Variants in ANKS1B observed in about 807,000 individuals in gnomAD.
The protein encoded by ANKS1B is ankyrin repeat and sterile alpha motif domain-containing protein 1B.
A neutral mutation model predicts 148.3 loss-of-function variants in ANKS1B; 36 were observed. That is an observed-to-expected ratio of 0.24 (90% CI 0.19 to 0.32). The LOEUF is 0.32. ANKS1B is among the 10% of genes least tolerant of loss of function. The pLI, the probability that ANKS1B is intolerant of heterozygous loss-of-function variation, is 1.00. For synonymous variants in ANKS1B, 542 were observed against 560.8 expected (o/e 0.97, Z 0.47); for missense variants, 1,157 against 1,542.6 (o/e 0.75, Z 4.19).
chr12:98,861,486 A>G (rs1329107322), intron 17 of ANKS1B, among the ~76,000 whole-genome samples: 1 of 152,212 alleles, frequency 6.6e-6, no homozygotes, highest in African/African-American at 2.4e-5. Flanking sequence ...GGGGAGAAAC[A>G]GAAGACTTCA....
intron 8 of ANKS1B, among the ~76,000 whole-genome samples, chr12:99,675,126 A>G (rs1407151046): frequency 6.6e-6 from 1 of 152,002 alleles, no homozygotes. Context: ...TTGCATTGGG[A>G]ATGTAAATTA....
intron 8 of ANKS1B, among the ~76,000 whole-genome samples, chr12:99,771,009 T>C (rs1487659277): frequency 6.6e-6 from 1 of 152,080 alleles, no homozygotes; most frequent in Non-Finnish European, 1.5e-5. Flanking sequence ...ATACAGTCTT[T>C]GGCTTACAAA....
intron 4 of ANKS1B, among the ~76,000 whole-genome samples, chr12:99,789,804 C>A (rs2153642367): frequency 6.6e-6 from 1 of 152,116 alleles, no homozygotes; most frequent in Admixed American, 6.5e-5. Context: ...CATCTGAAAA[C>A]ACACTGAGAA....
chr12:99,768,870 T>C (rs1032644003), intron 8 of ANKS1B, among the ~76,000 whole-genome samples: 6 of 151,354 alleles, frequency 4.0e-5, no homozygotes, highest in Admixed American at 2.6e-4. Flanking sequence ...AACCTGCTTT[T>C]TTCCCCTCTG....
rs116959440 is a variant in ANKS1B at position 98,902,963 on chromosome 12, A to G, written c.2779-70827T>C. Among the ~76,000 whole-genome samples the G allele has an allele frequency of 2.8e-4, 43 of 152,318 alleles. 1 individual carries two copies. In the East Asian group the frequency reaches 5.0e-3, roughly 18 times the overall value. ...GCCCATGAACTTGGGAGGGGACAGT[A>G]ACTTTTTATATTGTAGACTCATAAA... is the stretch of plus-strand genomic sequence containing the variant. On this transcript the variant is annotated intron_variant, in intron 17 of 26. Transcript: ENST00000683438.
chr12:99,194,938 C>A (rs2081213935), intron 14 of ANKS1B, among the ~76,000 whole-genome samples: 1 of 151,916 alleles, frequency 6.6e-6, no homozygotes, highest in Non-Finnish European at 1.5e-5. Flanking sequence ...ACACCATTTT[C>A]TTTACTTCTG....
At chr12:99,601,493 T>C (rs77799860) in intron 9 of ANKS1B, among the ~76,000 whole-genome samples, 5,925 of 152,174 alleles carry the variant, frequency 0.039, 414 homozygotes, top group African/African-American at 0.13. Flanking sequence ...AGTAAGAGAT[T>C]GCCTTTTGTG....
intron 12 of ANKS1B, among the ~76,000 whole-genome samples, chr12:99,262,924 C>T (rs961324692): frequency 1.3e-5 from 2 of 151,890 alleles, no homozygotes; most frequent in Non-Finnish European, 2.9e-5. Flanking sequence ...AAATCATCTT[C>T]GGACCTGTTT....
chr12:99,480,369 T>A (rs1390440904), intron 10 of ANKS1B, among the ~76,000 whole-genome samples: 1 of 151,884 alleles, frequency 6.6e-6, no homozygotes, highest in African/African-American at 2.4e-5. Context: ...TACTTCAAAC[T>A]GTGCAATAAA....
At chr12:99,856,807 G>T (rs2089185713) in intron 1 of ANKS1B, among the ~76,000 whole-genome samples, 1 of 152,078 alleles carries the variant, frequency 6.6e-6, no homozygotes, top group Non-Finnish European at 1.5e-5. Flanking sequence ...AATAGACACA[G>T]AAAAAGCATT....
At chr12:98,876,600 T>C (rs551056888) in intron 17 of ANKS1B, among the ~76,000 whole-genome samples, 64 of 152,320 alleles carry the variant, frequency 4.2e-4, no homozygotes, top group Non-Finnish European at 7.1e-4. Flanking sequence ...TGAATTGAAT[T>C]TGTTGAATTC....
chr12:98,952,567 C>T (rs530996601), intron 17 of ANKS1B, among the ~76,000 whole-genome samples: 1 of 152,302 alleles, frequency 6.6e-6, no homozygotes, highest in South Asian at 2.1e-4. Flanking sequence ...TGACCTTCTC[C>T]AGTATCCAGG....
chr12:98,892,775 T>A (rs771891396), intron 17 of ANKS1B, among the ~76,000 whole-genome samples: 31 of 152,232 alleles, frequency 2.0e-4, no homozygotes, highest in Admixed American at 4.6e-4. Context: ...GGAGATTTGA[T>A]CTCCAGGTAG....
intron 12 of ANKS1B, among the ~76,000 whole-genome samples, chr12:99,264,619 A>C (rs935717869): frequency 1.3e-5 from 2 of 152,132 alleles, no homozygotes; most frequent in African/African-American, 4.8e-5. Context: ...ATTTTACGTC[A>C]AAGGATGCCA....
chr12:99,315,593 C>A (rs2083927276), intron 12 of ANKS1B, among the ~76,000 whole-genome samples: 1 of 152,088 alleles, frequency 6.6e-6, no homozygotes. Flanking sequence ...ATTCACATAA[C>A]ATAAAATTCA....
intron 24 of ANKS1B, among the ~76,000 whole-genome samples, chr12:98,777,846 A>G (rs1355158426): frequency 6.6e-6 from 1 of 152,224 alleles, no homozygotes; most frequent in East Asian, 1.9e-4. Context: ...TTAATCTTTC[A>G]CAAAGTCTAA....
intron 17 of ANKS1B, among the ~76,000 whole-genome samples, chr12:98,931,355 A>T (rs2099813539): frequency 6.6e-6 from 1 of 152,164 alleles, no homozygotes; most frequent in African/African-American, 2.4e-5. Flanking sequence ...CTGAAAATGT[A>T]TTTAGTATGA....
intron 17 of ANKS1B, among the ~76,000 whole-genome samples, chr12:99,020,486 C>G (rs2099945132): frequency 6.6e-6 from 1 of 151,996 alleles, no homozygotes; most frequent in Non-Finnish European, 1.5e-5. Flanking sequence ...AAATACTGCC[C>G]AAACATAAGT....
Position 99,401,888 on chromosome 12 carries a change from G to T in ANKS1B, c.1576-2077C>A, listed in dbSNP as rs1021013813. On this transcript the variant is annotated intron_variant, in intron 11 of 26. Transcript: ENST00000683438. ...GTGGCTCAAATCTGGCTTTCTTCCT[G>T]TTTCTAAAAATGAAGTTTTATTGGA... Among the ~76,000 whole-genome samples, 8 of 146,682 alleles carry T rather than the reference G, an allele frequency of 5.5e-5. 1 individual carries two copies. The highest frequency in any genetic ancestry group is 1.2e-4 in the Non-Finnish European group (8 of 66,314).
Sources: allele counts gnomAD v4.1 joint callset (sites outside exome capture counted in the v4.1 genomes callset), GRCh38; gene constraint gnomAD v4.1.1; transcripts MANE v1.5; gene names NCBI Gene and HGNC (gene_info 2026-07-23, HGNC 2026-07-21).